Variants in BBS9 observed in about 807,000 individuals in gnomAD.
BBS9 encodes protein PTHB1.
Under a neutral mutation model 117.7 loss-of-function variants are expected in BBS9, and 89 were observed. That is an observed-to-expected ratio of 0.76 (90% CI 0.64 to 0.90). BBS9 has a LOEUF of 0.90. Ranked by LOEUF, BBS9 falls within the 40% of genes least tolerant of loss-of-function variation. The pLI is 0.00. For missense variants in BBS9, 982 were observed against 1,042.2 expected (o/e 0.94, Z 0.80); for synonymous variants, 379 against 370.9 (o/e 1.02, Z -0.25).
At chr7:33,134,433 AT>A (rs984750911) in intron 1 of BBS9, among the ~76,000 whole-genome samples, 1 of 151,502 alleles carries the variant, frequency 6.6e-6, no homozygotes, top group Non-Finnish European at 1.5e-5. Flanking sequence ...ATTCAGACCC[AT>A]TGTTCATTTT....
chr7:33,241,176 G>A (rs1794462435), intron 5 of BBS9, among the ~76,000 whole-genome samples: 1 of 152,102 alleles, frequency 6.6e-6, no homozygotes, highest in African/African-American at 2.4e-5. Context: ...TATTGTGAAT[G>A]AAATCTTTGT....
intron 19 of BBS9, among the ~76,000 whole-genome samples, chr7:33,443,573 A>G (rs1836537473): frequency 6.6e-6 from 1 of 152,228 alleles, no homozygotes; most frequent in Admixed American, 6.5e-5. Flanking sequence ...AATTGCTACA[A>G]AGAGACTTGA....
At chr7:33,611,107 G>A (rs1315206849) in intron 21 of BBS9, among the ~76,000 whole-genome samples, 1 of 151,986 alleles carries the variant, frequency 6.6e-6, no homozygotes, top group Non-Finnish European at 1.5e-5. Flanking sequence ...TGGAGAAAGT[G>A]AAGAGGTTTA....
intron 19 of BBS9, among the ~76,000 whole-genome samples, chr7:33,428,989 T>C (rs1005145534): frequency 3.9e-5 from 6 of 152,204 alleles, no homozygotes; most frequent in African/African-American, 1.2e-4. Context: ...ATATATCTTT[T>C]GGAGATTAAC....
At chr7:33,216,020 T>C (rs1011919926) in intron 5 of BBS9, among the ~76,000 whole-genome samples, 8 of 152,234 alleles carry the variant, frequency 5.3e-5, no homozygotes, top group African/African-American at 1.9e-4. Flanking sequence ...AGGGTTGTTA[T>C]TGCCATCTGT....
At chr7:33,343,502 C>T (rs190277501) in intron 11 of BBS9, among the ~76,000 whole-genome samples, 134 of 152,108 alleles carry the variant, frequency 8.8e-4, no homozygotes, top group Middle Eastern at 3.4e-3. Flanking sequence ...CTCCCCTCCC[C>T]GCCCCTTTAT....
At chr7:33,419,128 G>A (rs1179329889) in intron 19 of BBS9, among the ~76,000 whole-genome samples, 2 of 151,688 alleles carry the variant, frequency 1.3e-5, no homozygotes, top group East Asian at 3.9e-4. Flanking sequence ...TATAATTTAA[G>A]CTCAAACTGT....
chr7:33,374,901 C>CAAAA (rs954530141), intron 17 of BBS9, among the ~76,000 whole-genome samples: 11 of 64,446 alleles, frequency 1.7e-4, no homozygotes, highest in Non-Finnish European at 2.4e-4. Context: ...AACTCCGTCT[C>CAAAA]AAAAAAAAAA....
Position 33,604,833 on chromosome 7 carries a change from T to A in BBS9, c.2522-32T>A, listed in dbSNP as rs987773746. On this transcript the variant is annotated intron_variant, in intron 21 of 22. Coordinates refer to ENST00000242067, the MANE Select transcript of BBS9 (RefSeq NM_198428.3). Reference sequence around the variant, plus strand: ...TAGAGAGGCAGATTTTCTTACACATTGCTTAAAATATTGTTTGTATTTTTC... The same window carrying A: ...TAGAGAGGCAGATTTTCTTACACATAGCTTAAAATATTGTTTGTATTTTTC... 2.7e-6 allele frequency: 4 copies of A among 1,491,022 alleles called. No individual in the cohort carries two copies. In the Admixed American group the frequency reaches 5.2e-5, roughly 19 times the overall value. 92.4% of individuals were successfully genotyped at this position (1,491,022 alleles called of 1,614,324 possible). A position where few individuals can be genotyped will look rare whatever the true frequency, so the allele number is the denominator to read the frequency against.
chr7:33,633,056 C>T (rs1291906492), intron 21 of BBS9, among the ~76,000 whole-genome samples: 1 of 152,100 alleles, frequency 6.6e-6, no homozygotes, highest in Admixed American at 6.5e-5. Flanking sequence ...TTAACCAAAC[C>T]AAACAAGGCC....
Position 33,288,456 on chromosome 7 carries a change from C to T in BBS9, c.1016+14500C>T, listed in dbSNP as rs566721519. Among the ~76,000 whole-genome samples the T allele has an allele frequency of 2.4e-4, 36 of 152,136 alleles. No homozygotes were observed. In the South Asian group the frequency reaches 6.9e-3, roughly 29 times the overall value. ...ATGACAAAATGTTATTCTGGGAATTCGTTAACGTTGAATAATGTAACATGA... is the reference window on the plus strand; with the variant it reads ...ATGACAAAATGTTATTCTGGGAATTTGTTAACGTTGAATAATGTAACATGA... On this transcript the variant is annotated intron_variant, in intron 9 of 22. Coordinates refer to ENST00000242067, the MANE Select transcript of BBS9 (RefSeq NM_198428.3).
At chr7:33,437,901 C>A (rs928851107) in intron 19 of BBS9, among the ~76,000 whole-genome samples, 3 of 152,078 alleles carry the variant, frequency 2.0e-5, no homozygotes, top group Non-Finnish European at 4.4e-5. Context: ...AAAAACCCCA[C>A]AGCTTTTGTA....
chr7:33,530,826 A>G (rs1409368249), intron 20 of BBS9, among the ~76,000 whole-genome samples: 2 of 152,174 alleles, frequency 1.3e-5, no homozygotes, highest in African/African-American at 4.8e-5. Context: ...TAACTTGCCT[A>G]GTGACACCTA....
At chr7:33,402,142 A>G (rs1829020646) in intron 19 of BBS9, among the ~76,000 whole-genome samples, 1 of 152,100 alleles carries the variant, frequency 6.6e-6, no homozygotes, top group Non-Finnish European at 1.5e-5. Flanking sequence ...AATTTTATGA[A>G]TGTAATTATC....
downstream of BBS9, among the ~76,000 whole-genome samples, chr7:33,608,909 G>A (rs1417243090): frequency 6.6e-6 from 1 of 151,936 alleles, no homozygotes; most frequent in Non-Finnish European, 1.5e-5. Context: ...TGCTTTTGAG[G>A]ACTTACTCAT....
chr7:33,205,937 A>G (rs1273999856), intron 5 of BBS9, among the ~76,000 whole-genome samples: 1 of 152,216 alleles, frequency 6.6e-6, no homozygotes, highest in Non-Finnish European at 1.5e-5. Context: ...AGCCATCTTT[A>G]TAATGATTAT....
chr7:33,422,894 G>A (rs1428351864), intron 19 of BBS9, among the ~76,000 whole-genome samples: 3 of 152,084 alleles, frequency 2.0e-5, no homozygotes, highest in African/African-American at 4.8e-5. Context: ...ACAGGCATGA[G>A]CCATCCGTGC....
chr7:33,232,660 C>T (rs908656993), intron 5 of BBS9, among the ~76,000 whole-genome samples: 1 of 151,972 alleles, frequency 6.6e-6, no homozygotes. Flanking sequence ...ATGAATTATC[C>T]ATTTGTGAGA....
chr7:33,188,112 G>GTGTGTGTGTGTGTGTGTGT (rs373410318), intron 5 of BBS9, among the ~76,000 whole-genome samples: 1 of 120,332 alleles, frequency 8.3e-6, no homozygotes, highest in African/African-American at 3.1e-5. Flanking sequence ...GTGTGTGTGT[G>GTGTGTGTGTGTGTGTGTGT]GCGGGTGGGG....
Sources: allele counts gnomAD v4.1 joint callset (sites outside exome capture counted in the v4.1 genomes callset), GRCh38; gene constraint gnomAD v4.1.1; transcripts MANE v1.5; gene names NCBI Gene and HGNC (gene_info 2026-07-23, HGNC 2026-07-21).